TRPV6: variants seen among roughly 807,000 people sequenced by gnomAD.
TRPV6 encodes Alu-binding protein with zinc finger domain.
TRPV6 carries 39 observed loss-of-function variants against 79.0 expected under a neutral mutation model. The ratio of observed to expected loss-of-function variants is 0.49; its 90% CI spans 0.38 to 0.64. TRPV6 has a LOEUF of 0.64. Ranked by LOEUF, TRPV6 falls within the 30% of genes least tolerant of loss-of-function variation. The probability of loss-of-function intolerance (pLI) is 0.00; values close to 1 mark genes in which losing one functional copy is unlikely to be tolerated. For synonymous variants in TRPV6, 373 were observed against 391.9 expected, an observed-to-expected ratio of 0.95 and a Z score of 0.57; for missense variants, 813 against 1,011.1, an observed-to-expected ratio of 0.80 and a Z score of 2.66.
intron 8 of TRPV6, 66 bp from the exon 9 acceptor site, chr7:142,875,230 T>G: frequency 6.4e-7 from 1 of 1,557,604 alleles, no homozygotes; most frequent in Non-Finnish European, 8.9e-7. Context: ...ATTTCCATGG[T>G]GCCCAGGGTC....
chr7:142,874,401 CT>C, intron 11 of TRPV6, 89 bp downstream of exon 11: 1 of 1,512,520 alleles, frequency 6.6e-7, no homozygotes, highest in Non-Finnish European at 9.1e-7. Flanking sequence ...CTTGCAGAAC[CT>C]GCAATGTCTA....
Position 142,871,634 on chromosome 7 carries a change from T to G in TRPV6, c.*73A>C. ...GCCTGGGAGATGAGACCTCTGGGTGTTTGGTTTTTGTTTTGTTTGATGCAC... is the reference window on the plus strand; with the variant it reads ...GCCTGGGAGATGAGACCTCTGGGTGGTTGGTTTTTGTTTTGTTTGATGCAC... On this transcript the variant is annotated 3_prime_UTR_variant, in exon 15 of 15. Transcript: ENST00000359396. 6.6e-7 allele frequency: 1 copy of G among 1,510,506 alleles called. No individual in the cohort carries two copies. Among genetic ancestry groups the G allele is most frequent in the Non-Finnish European group, 8.9e-7 (1 of 1,121,630 alleles). 93.6% of individuals were successfully genotyped at this position (1,510,506 alleles called of 1,614,324 possible). A position where few individuals can be genotyped will look rare whatever the true frequency, so the allele number is the denominator to read the frequency against.
In TRPV6 at chr7:142,885,656, TGAC is replaced by T; in HGVS notation, c.-23_-21del. 5 of 1,226,714 alleles carry T rather than the reference TGAC, an allele frequency of 4.1e-6. No individual in the cohort carries two copies. In the South Asian group the frequency reaches 8.1e-5, roughly 20 times the overall value. 76.0% of individuals were successfully genotyped at this position (1,226,714 alleles called of 1,614,324 possible). ...TCCCGTCTCCTGTCTCCTGCCTTCC[TGAC>T]GAGTTCCTTGGGAGTCTCCCAGCAG... On this transcript the variant is annotated 5_prime_UTR_variant, in exon 1 of 15. Coordinates refer to ENST00000359396, the MANE Select transcript of TRPV6 (RefSeq NM_018646.6).
rs1794984106 is a variant in TRPV6 at position 142,873,330 on chromosome 7, C to T, written c.1908+118G>A. The stretch of plus-strand genomic sequence containing the variant: ...TGTACATTTTGCATGATTTTGCTAG[C>T]TTTGCCACAACTGTCCAAACATAAG... On this transcript the variant is annotated intron_variant, in intron 13 of 14. Transcript: ENST00000359396. This position sits in a 1 kb window ranked among gnomAD's most constrained non-coding sequence, Gnocchi z 4.8. The T allele has an allele frequency of 1.4e-6, 2 of 1,435,252 alleles. No individual in the cohort carries two copies. The highest frequency in any genetic ancestry group is 2.6e-5 in the South Asian group (2 of 77,148). 88.9% of individuals were successfully genotyped at this position (1,435,252 alleles called of 1,614,324 possible).
chr7:142,882,120 G>A (rs918111569), intron 1 of TRPV6: 1 of 152,220 alleles, frequency 6.6e-6, no homozygotes, highest in African/African-American at 2.4e-5. Context: ...GGTCCCACTG[G>A]TCTCTCCACA....
intron 1 of TRPV6, chr7:142,879,071 C>T (rs4726596): frequency 6.6e-6 from 1 of 152,338 alleles, no homozygotes; most frequent in South Asian, 2.1e-4. Flanking sequence ...GCTTTAGATA[C>T]TACTTTGTTT....
chr7:142,874,982 T>C lies in TRPV6; in HGVS notation c.1330-2A>G. On this transcript the variant is annotated splice_acceptor_variant, in intron 9 of 14. Transcript: ENST00000359396. LOFTEE classifies it high-confidence loss of function. ...CCCCATTCTGAAGATGTCTGGAACC[T>C]GAAGAGGTCAGGGAGACACAAAGGC... is the stretch of plus-strand genomic sequence containing the variant. The C allele has an allele frequency of 6.2e-7, 1 of 1,614,064 alleles. No homozygotes were observed. Among genetic ancestry groups the C allele is most frequent in the South Asian group, 1.1e-5 (1 of 91,080 alleles).
Position 142,871,970 on chromosome 7 carries a change from G to T in TRPV6, c.2035C>A (p.Leu679Ile). The change falls in exon 15 of 15, where the codon CTC (leucine) becomes ATC (isoleucine). Residue 679 changes from leucine to isoleucine, a missense_variant. Physicochemically the swap from Leu to Ile is conservative, Grantham distance 5. Coordinates refer to ENST00000359396, the MANE Select transcript of TRPV6 (RefSeq NM_018646.6). ...TAGCGTTGGATCCGCTGCCGGTTGA[G>T]ATCTTGCCTGTCTTCCACCCTGTGG... is the stretch of plus-strand genomic sequence containing the variant. 6.2e-7 allele frequency: 1 copy of T among 1,601,136 alleles called. No homozygotes were observed. Among genetic ancestry groups the T allele is most frequent in the South Asian group, 1.1e-5 (1 of 88,908 alleles).
rs1044509620 is a variant in TRPV6, at chr7:142,872,317, G to T, written c.2015+55C>A. On this transcript the variant is annotated intron_variant, in intron 14 of 14. Coordinates refer to ENST00000359396, the MANE Select transcript of TRPV6 (RefSeq NM_018646.6). ...GGAGCCGGAAGCTGTCTGAGCAGGGGGATACCCTGCCGATGAGGCTTCTCA... is the reference window on the plus strand; with the variant it reads ...GGAGCCGGAAGCTGTCTGAGCAGGGTGATACCCTGCCGATGAGGCTTCTCA... 8.3e-6 allele frequency: 13 copies of T among 1,570,516 alleles called. 1 individual carries two copies. In the Admixed American group the frequency reaches 8.4e-5, roughly 10 times the overall value.
chr7:142,872,284 G>C, intron 14 of TRPV6, 88 bp downstream of exon 14: 1 of 1,407,280 alleles, frequency 7.1e-7, no homozygotes, highest in Non-Finnish European at 9.9e-7. Context: ...GCCTCCACAG[G>C]GAACCCAGGA....
chr7:142,871,314 TCTGCACTTCC>T lies in TRPV6; in HGVS notation c.*383_*392del. The T allele has an allele frequency of 2.2e-6, 1 of 459,646 alleles. No individual in the cohort carries two copies. The highest frequency in any genetic ancestry group is 4.0e-6 in the Non-Finnish European group (1 of 250,062). 28.5% of individuals were successfully genotyped at this position (459,646 alleles called of 1,614,324 possible). A position where few individuals can be genotyped will look rare whatever the true frequency, so the allele number is the denominator to read the frequency against. ...CCTCACTCACACGCTTTCCACAAGC[TCTGCACTTCC>T]CTGCACCTGCCTGGGTGCCCTGGGA... On this transcript the variant is annotated 3_prime_UTR_variant, in exon 15 of 15. Coordinates refer to ENST00000359396, the MANE Select transcript of TRPV6 (RefSeq NM_018646.6).
Position 142,875,174 on chromosome 7 carries a change from GAGA to G in TRPV6, c.1243-13_1243-11del, listed in dbSNP as rs1486372209. The G allele has an allele frequency of 1.2e-6, 2 of 1,613,754 alleles. No individual in the cohort carries two copies. The highest frequency in any genetic ancestry group is 3.3e-5 in the Admixed American group (2 of 59,990). ...GGGTCATGTAGGCTTCCTAATGGGG[GAGA>G]AGAACAGTCAAAATGCTCAGGGCTT... On this transcript the variant is annotated splice_polypyrimidine_tract_variant and intron_variant, in intron 8 of 14. Coordinates refer to ENST00000359396, the MANE Select transcript of TRPV6 (RefSeq NM_018646.6).
Position 142,873,831 on chromosome 7 carries a change from C to A in TRPV6, c.1640-115G>T. 2.8e-6 allele frequency: 4 copies of A among 1,450,024 alleles called. No homozygotes were observed. The highest frequency in any genetic ancestry group is 3.8e-6 in the Non-Finnish European group (4 of 1,056,408). The allele number at this position is 1,450,024 out of a possible 1,614,324, so 89.8% of individuals were successfully genotyped here. ...CTTCATCTCAATATCACCAGCTCTG[C>A]AGTGCTCCAAACTTTGGGTTTTTAC... On this transcript the variant is annotated intron_variant, in intron 12 of 14. Coordinates refer to ENST00000359396, the MANE Select transcript of TRPV6 (RefSeq NM_018646.6). The surrounding 1 kb of genome is among the most constrained non-coding windows in gnomAD (Gnocchi z 4.8).
Position 142,873,630 on chromosome 7 carries a change from G to A in TRPV6, c.1726C>T (p.Leu576=), listed in dbSNP as rs748087555. The A allele has an allele frequency of 3.7e-6, 6 of 1,614,086 alleles. No homozygotes were observed. Among genetic ancestry groups the A allele is most frequent in the Non-Finnish European group, 3.4e-6 (4 of 1,180,052 alleles). Residue 576 remains leucine, a synonymous_variant, in exon 13 of 15, where the codon CTG becomes TTG. Transcript: ENST00000359396. This position sits in a 1 kb window ranked among gnomAD's most constrained non-coding sequence, Gnocchi z 4.8. ...GGGCCATCGATGATGGTAAGGAACA[G>A]CTCGAAGGTGCTGAACAGGGCCATG... is the stretch of plus-strand genomic sequence containing the variant.
In TRPV6 at chr7:142,876,430, G is replaced by GCCAGCTTGAAAGGGGTGAGA; in HGVS notation, c.840_859dup (p.Ala287ValfsTer15). 6.2e-7 allele frequency: 1 copy of GCCAGCTTGAAAGGGGTGAGA among 1,614,048 alleles called. No individual in the cohort carries two copies. The highest frequency in any genetic ancestry group is 8.5e-7 in the Non-Finnish European group (1 of 1,179,936). On this transcript the variant is annotated frameshift_variant, in exon 6 of 15. Coordinates refer to ENST00000359396, the MANE Select transcript of TRPV6 (RefSeq NM_018646.6). LOFTEE classifies it high-confidence loss of function. ...CACCACAGTGTTACCCTCCACTCCA[G>GCCAGCTTGAAAGGGGTGAGA]CCAGCTTGAAAGGGGTGAGACCCTG...
rs375795886 is a variant in TRPV6 at position 142,872,471 on chromosome 7, G to A, written c.1916C>T (p.Ala639Val). 6.2e-7 allele frequency: 1 copy of A among 1,613,018 alleles called. No homozygotes were observed. The highest frequency in any genetic ancestry group is 8.5e-7 in the Non-Finnish European group (1 of 1,179,494). The change falls in exon 14 of 15, where the codon GCC becomes GTC. Residue 639 changes from alanine (A) to valine (V), a missense_variant. Ala to Val is a moderately conservative substitution (Grantham distance 64, BLOSUM62 0). Transcript: ENST00000359396. Reference sequence around the variant, plus strand: ...CTTCCGCTCCAGCATCACTGTGGTGGCCACAATCTGCGTATGGGAACAAAA... The same window carrying A: ...CTTCCGCTCCAGCATCACTGTGGTGACCACAATCTGCGTATGGGAACAAAA...
chr7:142,875,395 G>A, intron 8 of TRPV6, 73 bp downstream of exon 8: 1 of 1,463,118 alleles, frequency 6.8e-7, no homozygotes, highest in Non-Finnish European at 9.2e-7. Flanking sequence ...GTGTGAGGGA[G>A]GAAAGGGACA....
chr7:142,885,239 G>A (rs1332167511), intron 1 of TRPV6, 150 bp downstream of exon 1: 2 of 889,614 alleles, frequency 2.2e-6, no homozygotes, highest in Non-Finnish European at 3.3e-6. Flanking sequence ...AGGCTCTTAA[G>A]ACAGAATGCT....
In TRPV6 at chr7:142,874,999, C is replaced by G; in HGVS notation, c.1330-19G>C. On this transcript the variant is annotated intron_variant, in intron 9 of 14. Transcript: ENST00000359396. The stretch of plus-strand genomic sequence containing the variant: ...CTGGAACCTGAAGAGGTCAGGGAGA[C>G]ACAAAGGCACTCAGATACCGGAACT... 6.2e-7 allele frequency: 1 copy of G among 1,614,142 alleles called. No homozygotes were observed. The highest frequency in any genetic ancestry group is 8.5e-7 in the Non-Finnish European group (1 of 1,180,038).
Sources: allele counts gnomAD v4.1 joint callset, GRCh38; gene constraint gnomAD v4.1.1; non-coding constraint Gnocchi (gnomAD v3.1); transcripts MANE v1.5; gene names NCBI Gene and HGNC (gene_info 2026-07-23, HGNC 2026-07-21).